Variants in SEL1L3 observed in about 807,000 individuals in gnomAD.
SEL1L3 encodes protein sel-1 homolog 3.
In SEL1L3, 76 loss-of-function variants were observed where a neutral mutation model predicts 142.8. That is an observed-to-expected ratio of 0.53 (90% confidence interval 0.44 to 0.64). The LOEUF (loss-of-function observed/expected upper bound fraction) is 0.64, where lower values mean the gene tolerates loss of function less well. SEL1L3 is among the 30% of genes least tolerant of loss of function. The pLI is 0.00. For synonymous variants in SEL1L3, 504 were observed against 519.6 expected (o/e 0.97, Z 0.41); for missense variants, 1,262 against 1,381.7 (o/e 0.91, Z 1.37).
chr4:25,756,049 A>G, intron 23 of SEL1L3: 1 of 985,426 alleles, frequency 1.0e-6, no homozygotes, highest in Non-Finnish European at 1.2e-6. Context: ...ATGATTTCGC[A>G]TTAGCTTCTT....
intron 11 of SEL1L3, among the ~76,000 whole-genome samples, chr4:25,801,963 A>T (rs1713213782): frequency 6.6e-6 from 1 of 152,206 alleles, no homozygotes; most frequent in African/African-American, 2.4e-5. Context: ...GGGTATTGGC[A>T]CAAAGACAAG....
intron 5 of SEL1L3, 65 bp from the exon 6 acceptor site, chr4:25,830,221 T>A (rs966931892): frequency 6.1e-6 from 6 of 979,164 alleles, no homozygotes; most frequent in Non-Finnish European, 9.7e-6. Context: ...TATGCAGTCC[T>A]TTGTGTAAAT....
At chr4:25,815,347 G>A (rs1374423015) in intron 9 of SEL1L3, among the ~76,000 whole-genome samples, 2 of 152,152 alleles carry the variant, frequency 1.3e-5, no homozygotes, top group Admixed American at 1.3e-4. Flanking sequence ...GGAATCTAGC[G>A]GTTCTGCAGC....
intron 20 of SEL1L3, among the ~76,000 whole-genome samples, chr4:25,763,025 C>A (rs1412077235): frequency 6.7e-6 from 1 of 150,364 alleles, no homozygotes; most frequent in Non-Finnish European, 1.5e-5. Context: ...ATGACAGATA[C>A]ATCTGCTTGT....
chr4:25,757,683 C>T lies in SEL1L3; in HGVS notation c.3186+5G>A. 6.3e-7 allele frequency: 1 copy of T among 1,583,044 alleles called. No homozygotes were observed. The highest frequency in any genetic ancestry group is 8.6e-7 in the Non-Finnish European group (1 of 1,164,828). On this transcript the variant is annotated splice_donor_5th_base_variant and intron_variant, in intron 22 of 23. Coordinates refer to ENST00000399878, the MANE Select transcript of SEL1L3 (RefSeq NM_015187.5). ...AGGGTGGGGCCGGTGGGACATGAAA[C>T]CTACCAGGGCTGAGTGCAGGATAGC...
At chr4:25,843,418 C>T (rs570646275) in intron 2 of SEL1L3, among the ~76,000 whole-genome samples, 19 of 152,256 alleles carry the variant, frequency 1.2e-4, no homozygotes, top group Admixed American at 9.8e-4. Context: ...GAATATGTGA[C>T]ACATACAGCC....
chr4:25,831,200 C>A (rs1316649317), intron 5 of SEL1L3, among the ~76,000 whole-genome samples: 3 of 152,082 alleles, frequency 2.0e-5, no homozygotes, highest in African/African-American at 7.2e-5. Flanking sequence ...TTCTATGGTG[C>A]TTTGCAAGTT....
intron 5 of SEL1L3, among the ~76,000 whole-genome samples, chr4:25,831,863 T>C (rs1715469905): frequency 6.6e-6 from 1 of 152,142 alleles, no homozygotes; most frequent in Non-Finnish European, 1.5e-5. Context: ...CTTTACCTGC[T>C]TAATGTTACT....
chr4:25,797,567 G>A (rs548468012), intron 11 of SEL1L3, among the ~76,000 whole-genome samples: 28 of 152,308 alleles, frequency 1.8e-4, no homozygotes, highest in African/African-American at 6.3e-4. Context: ...TGTCACATAC[G>A]ATGGTGGTGC....
intron 23 of SEL1L3, among the ~76,000 whole-genome samples, chr4:25,750,210 G>C (rs1343597637): frequency 6.9e-6 from 1 of 145,914 alleles, no homozygotes; most frequent in East Asian, 2.0e-4. Context: ...ACACCAGCCT[G>C]GGCGACAGAG....
intron 10 of SEL1L3, among the ~76,000 whole-genome samples, chr4:25,803,548 T>C (rs1713335936): frequency 6.6e-6 from 1 of 152,236 alleles, no homozygotes; most frequent in Admixed American, 6.5e-5. Flanking sequence ...TGCCATCGGG[T>C]ACCCAGATGA....
At chr4:25,793,247 G>A (rs58081722) in intron 11 of SEL1L3, among the ~76,000 whole-genome samples, 30,958 of 152,042 alleles carry the variant, frequency 0.2, 3,254 homozygotes, top group Admixed American at 0.3. Flanking sequence ...TCATGTATCT[G>A]GGTGGTGACG....
intron 9 of SEL1L3, among the ~76,000 whole-genome samples, chr4:25,816,136 TATA>T (rs920481071): frequency 7.1e-6 from 1 of 140,370 alleles, no homozygotes; most frequent in African/African-American, 3.0e-5. Flanking sequence ...TATTACATAA[TATA>T]ATATACATAT....
At position 25,782,259 on chromosome 4, in the gene SEL1L3, C is replaced by T; in HGVS notation, c.2440G>A (p.Val814Ile). ...VLHLDGIFPGVPGRNQTLAGE... is the reference protein window; with the variant it reads ...VLHLDGIFPGIPGRNQTLAGE... ...CTACTCACTTGATTCCTTCCAGGAA[C>T]TCCAGGGAAGATGCCATCCAAATGC... Residue 814 changes from valine (V) to isoleucine (I), a missense_variant, in exon 15 of 24, where the codon GTT (valine) becomes ATT (isoleucine). Transcript: ENST00000399878. 1 of 1,613,764 alleles carries T rather than the reference C, an allele frequency of 6.2e-7. No individual in the cohort carries two copies. The highest frequency in any genetic ancestry group is 8.5e-7 in the Non-Finnish European group (1 of 1,179,728).
At chr4:25,854,741 G>C (rs1717128006) in intron 1 of SEL1L3, among the ~76,000 whole-genome samples, 1 of 152,226 alleles carries the variant, frequency 6.6e-6, no homozygotes. Context: ...TTTTCTAAAA[G>C]GTTCCCTGGT....
At chr4:25,777,012 A>G (rs1262414380) in intron 16 of SEL1L3, among the ~76,000 whole-genome samples, 1 of 152,072 alleles carries the variant, frequency 6.6e-6, no homozygotes, top group Non-Finnish European at 1.5e-5. Flanking sequence ...CCAATTAAAG[A>G]TGAAAATTTA....
downstream of SEL1L3, among the ~76,000 whole-genome samples, chr4:25,745,713 C>T (rs1717241198): frequency 2.0e-5 from 3 of 152,202 alleles, no homozygotes; most frequent in Admixed American, 6.5e-5. Flanking sequence ...CAACAAAGAA[C>T]CATCCAGCTC....
chr4:25,784,320 A>G (rs759949655), intron 13 of SEL1L3, 30 bp from the exon 14 acceptor site: 9 of 1,556,864 alleles, frequency 5.8e-6, no homozygotes, highest in South Asian at 1.1e-5. Context: ...GATGATTACA[A>G]AGAAAATACA....
chr4:25,801,011 G>A (rs536931528), intron 11 of SEL1L3, among the ~76,000 whole-genome samples: 2 of 152,310 alleles, frequency 1.3e-5, no homozygotes, highest in East Asian at 3.9e-4. Context: ...TGGGAACCAG[G>A]GGTCTGGTTC....
Sources: allele counts gnomAD v4.1 joint callset (sites outside exome capture counted in the v4.1 genomes callset), GRCh38; gene constraint gnomAD v4.1.1; transcripts MANE v1.5; gene names NCBI Gene and HGNC (gene_info 2026-07-23, HGNC 2026-07-21).